Variants in UBQLN1 observed in about 807,000 individuals in gnomAD.
UBQLN1 encodes ubiquilin 1.
A neutral mutation model predicts 65.4 loss-of-function variants in UBQLN1; 13 were observed. The ratio of observed to expected loss-of-function variants is 0.20; its 90% CI spans 0.13 to 0.32. The LOEUF (loss-of-function observed/expected upper bound fraction) is 0.32, where lower values mean the gene tolerates loss of function less well. UBQLN1 is among the 10% of genes least tolerant of loss of function. UBQLN1 has a pLI of 1.00. For synonymous variants in UBQLN1, 267 were observed against 247.8 expected, an observed-to-expected ratio of 1.08 and a Z score of -0.73; for missense variants, 561 against 724.0, an observed-to-expected ratio of 0.77 and a Z score of 2.58.
chr9:83,688,900 T>C (rs1344647338), intron 1 of UBQLN1, among the ~76,000 whole-genome samples: 2 of 152,188 alleles, frequency 1.3e-5, no homozygotes, highest in Admixed American at 1.3e-4. Context: ...TTACATCCTT[T>C]CAAATACCTA....
At chr9:83,666,237 G>T in intron 8 of UBQLN1, 113 bp downstream of exon 8, 4 of 922,582 alleles carry the variant, frequency 4.3e-6, no homozygotes, top group Non-Finnish European at 6.9e-6. Flanking sequence ...CAGCATTATT[G>T]GTCTCTATTC....
At chr9:83,666,725 C>A (rs918184393) in intron 7 of UBQLN1, 3 of 254,998 alleles carry the variant, frequency 1.2e-5, no homozygotes, top group Non-Finnish European at 1.5e-5. Context: ...CTTGAACAAA[C>A]GTGAATATAT....
intron 1 of UBQLN1, among the ~76,000 whole-genome samples, chr9:83,689,735 A>G (rs1564169548): frequency 1.3e-5 from 2 of 152,252 alleles, no homozygotes; most frequent in Non-Finnish European, 2.9e-5. Context: ...CTGGACTATC[A>G]TTAGCAGAGT....
intron 1 of UBQLN1, among the ~76,000 whole-genome samples, chr9:83,687,265 C>T (rs139837541): frequency 6.6e-6 from 1 of 152,280 alleles, no homozygotes; most frequent in East Asian, 1.9e-4. Flanking sequence ...AGGGACCAGA[C>T]ACATAAAACC....
Position 83,678,433 on chromosome 9 carries a change from T to A in UBQLN1, c.870+8A>T. 6.2e-7 allele frequency: 1 copy of A among 1,606,934 alleles called. No homozygotes were observed. The highest frequency in any genetic ancestry group is 1.1e-5 in the South Asian group (1 of 89,048). The stretch of plus-strand genomic sequence containing the variant: ...TCCTTGGCCTGAACCTTGGAGCCAG[T>A]GGATCACCTGCTCTTGTGCAGCACT... On this transcript the variant is annotated splice_region_variant and intron_variant, in intron 5 of 10. Transcript: ENST00000376395.
Position 83,707,539 on chromosome 9 carries a change from C to T in UBQLN1, c.141G>A (p.Lys47=), listed in dbSNP as rs1832433494. 6.2e-7 allele frequency: 1 copy of T among 1,611,828 alleles called. No homozygotes were observed. The highest frequency in any genetic ancestry group is 1.1e-5 in the South Asian group (1 of 90,966). Residue 47 remains lysine, a synonymous_variant, in exon 1 of 11, where the codon AAG becomes AAA. Transcript: ENST00000376395. ...TATTCTCGGGCACGGCGAATTCCTC[C>T]TTTTCCTTCGGGGTCTTCACGGTGA... ...MKVTVKTPKE[K]EEFAVPENSS...
intron 6 of UBQLN1, among the ~76,000 whole-genome samples, chr9:83,673,534 G>T (rs956165380): frequency 3.3e-5 from 4 of 121,490 alleles, no homozygotes; most frequent in African/African-American, 9.3e-5. Context: ...GACAGGTCGA[G>T]ACTCGGTCTT....
chr9:83,663,809 C>CT, intron 10 of UBQLN1, 66 bp downstream of exon 10: 1 of 1,537,380 alleles, frequency 6.5e-7, no homozygotes, highest in Non-Finnish European at 8.8e-7. Flanking sequence ...CTTTTTCCTT[C>CT]TTTTTGGAAA....
chr9:83,707,199 G>A (rs1262734506), intron 1 of UBQLN1, among the ~76,000 whole-genome samples: 1 of 152,148 alleles, frequency 6.6e-6, no homozygotes, highest in Non-Finnish European at 1.5e-5. Flanking sequence ...AGTTGGAGGG[G>A]AGGCGACGGA....
intron 1 of UBQLN1, 50 bp from the exon 2 acceptor site, chr9:83,686,205 T>C (rs1378750705): frequency 7.8e-7 from 1 of 1,283,482 alleles, no homozygotes; most frequent in African/African-American, 1.6e-5. Flanking sequence ...CACAGCACCA[T>C]ACAGTCTAGT....
At chr9:83,693,217 C>CA (rs1832156967) in intron 1 of UBQLN1, among the ~76,000 whole-genome samples, 1 of 150,466 alleles carries the variant, frequency 6.6e-6, no homozygotes, top group South Asian at 2.1e-4. Flanking sequence ...CCAGCACAGA[C>CA]AAAACAACTT....
At chr9:83,705,816 A>C (rs1207031744) in intron 1 of UBQLN1, among the ~76,000 whole-genome samples, 1 of 152,170 alleles carries the variant, frequency 6.6e-6, no homozygotes, top group Non-Finnish European at 1.5e-5. Context: ...CGAAACTCAA[A>C]AACATTATGC....
In UBQLN1 at chr9:83,707,158, G is replaced by C. The variant is rs575749894; in HGVS notation, c.180+342C>G. On this transcript the variant is annotated intron_variant, in intron 1 of 10. Coordinates refer to ENST00000376395, the MANE Select transcript of UBQLN1 (RefSeq NM_013438.5). ...CCGCCCAGCCTCCACCCCGCCCGGAGGCTGGCGGTGGGTCCCTTTCCTTTG... is the reference window on the plus strand; with the variant it reads ...CCGCCCAGCCTCCACCCCGCCCGGACGCTGGCGGTGGGTCCCTTTCCTTTG... 2.1e-4 allele frequency among the ~76,000 whole-genome samples: 32 copies of C among 152,286 alleles called. No homozygotes were observed. The East Asian group carries it at 5.4e-3, about 26-fold the overall frequency.
At chr9:83,702,213 G>A (rs1832321164) in intron 1 of UBQLN1, among the ~76,000 whole-genome samples, 1 of 152,010 alleles carries the variant, frequency 6.6e-6, no homozygotes, top group Non-Finnish European at 1.5e-5. Flanking sequence ...GGTTCTAAAC[G>A]TTCTAAAATT....
In UBQLN1 at chr9:83,688,690, G is replaced by A. The variant is rs577380714; in HGVS notation, c.181-2535C>T. Reference sequence around the variant, plus strand: ...ATCTTGGCCAACATGGTGAAACCCCGTCTCTACTAAAAATACAAAACTTAG... The same window carrying A: ...ATCTTGGCCAACATGGTGAAACCCCATCTCTACTAAAAATACAAAACTTAG... On this transcript the variant is annotated intron_variant, in intron 1 of 10. Transcript: ENST00000376395. 1.1e-3 allele frequency among the ~76,000 whole-genome samples: 166 copies of A among 151,980 alleles called. 1 individual carries two copies. Among genetic ancestry groups the A allele is most frequent in the South Asian group, 2.9e-3 (14 of 4,808 alleles).
At chr9:83,678,843 G>A (rs374602052) in intron 4 of UBQLN1, among the ~76,000 whole-genome samples, 1 of 151,990 alleles carries the variant, frequency 6.6e-6, no homozygotes, top group Non-Finnish European at 1.5e-5. Context: ...TCAGCCTCCC[G>A]AGTAGCTGGG....
rs1021805430 is a variant in UBQLN1, at chr9:83,666,352, G to C, written c.1330C>G (p.Gln444Glu). 6.2e-7 allele frequency: 1 copy of C among 1,613,560 alleles called. No individual in the cohort carries two copies. The highest frequency in any genetic ancestry group is 8.5e-7 in the Non-Finnish European group (1 of 1,179,646). ...AGCTAACATCTTGTCTTACTCACTT[G>C]TTGGAGGAAAGTTGGGAGCTGTTGT... ...MRQQLPTFLQ[Q>E]MQNPDTLSAM... Residue 444 changes from glutamine to glutamate, a missense_variant and splice_region_variant, in exon 8 of 11, where the codon CAA becomes GAA. By Grantham distance (29) the Gln-to-Glu change is conservative. Coordinates refer to ENST00000376395, the MANE Select transcript of UBQLN1 (RefSeq NM_013438.5).
At chr9:83,684,405 C>T (rs920890481) in intron 2 of UBQLN1, among the ~76,000 whole-genome samples, 5 of 151,870 alleles carry the variant, frequency 3.3e-5, no homozygotes, top group African/African-American at 1.2e-4. Flanking sequence ...ATGTTTACCA[C>T]GCTGCTCTGG....
chr9:83,666,234 A>T (rs187452815), intron 8 of UBQLN1, 116 bp downstream of exon 8: 98 of 900,292 alleles, frequency 1.1e-4, no homozygotes, highest in Middle Eastern at 2.5e-4. Flanking sequence ...TGACAGCATT[A>T]TTGGTCTCTA....
Sources: gnomAD v4.1 joint callset for allele counts (sites outside exome capture counted in the v4.1 genomes callset) on GRCh38, gnomAD v4.1.1 for gene constraint, MANE v1.5 for transcripts, NCBI Gene and HGNC (gene_info 2026-07-23, HGNC 2026-07-21) for gene names.